Variants in SGCZ observed in about 807,000 individuals in gnomAD.
SGCZ encodes the protein zeta-sarcoglycan.
In SGCZ, 40 loss-of-function variants were observed where a neutral mutation model predicts 41.3. The ratio of observed to expected loss-of-function variants is 0.97; its 90% CI spans 0.75 to 1.26. The LOEUF (loss-of-function observed/expected upper bound fraction) is 1.26. Ranked by LOEUF, SGCZ falls within the 50% of genes most tolerant of loss-of-function variation. The pLI is 0.00. For synonymous variants in SGCZ, 206 were observed against 137.5 expected, an observed-to-expected ratio of 1.50 and a Z score of -3.49; for missense variants, 552 against 369.8, an observed-to-expected ratio of 1.49 and a Z score of -4.04.
chr8:14,678,773 AGCAACCAAGATGTTC>A (rs1201054980), intron 1 of SGCZ, among the ~76,000 whole-genome samples: 4 of 152,240 alleles, frequency 2.6e-5, no homozygotes, highest in African/African-American at 7.2e-5. Flanking sequence ...AAAACTTGGA[AGCAACCAAGATGTTC>A]TTCAGTAGGT....
intron 3 of SGCZ, among the ~76,000 whole-genome samples, chr8:14,306,507 T>C (rs1801356958): frequency 6.6e-6 from 1 of 152,214 alleles, no homozygotes; most frequent in African/African-American, 2.4e-5. Context: ...TAAACTCTGT[T>C]ACCTGGCATG....
chr8:14,956,039 C>CTTTTTTTTTTT (rs71884770), intron 1 of SGCZ, among the ~76,000 whole-genome samples: 2 of 120,226 alleles, frequency 1.7e-5, no homozygotes, highest in African/African-American at 3.2e-5. Flanking sequence ...ACTACTTTTA[C>CTTTTTTTTTTT]TTTTTTTTTT....
chr8:14,665,347 A>AT (rs1051792474), intron 1 of SGCZ, among the ~76,000 whole-genome samples: 2 of 152,066 alleles, frequency 1.3e-5, no homozygotes, highest in African/African-American at 4.8e-5. Flanking sequence ...TGAACTCATC[A>AT]TTTTTTATGG....
intron 4 of SGCZ, among the ~76,000 whole-genome samples, chr8:14,191,694 G>C (rs1805107964): frequency 6.6e-6 from 1 of 152,130 alleles, no homozygotes; most frequent in South Asian, 2.1e-4. Flanking sequence ...CACTAAAAGA[G>C]AATGGTAAAA....
At chr8:14,379,302 C>A (rs549736425) in intron 2 of SGCZ, among the ~76,000 whole-genome samples, 1 of 152,028 alleles carries the variant, frequency 6.6e-6, no homozygotes, top group East Asian at 1.9e-4. Flanking sequence ...AACTAACTTA[C>A]GTAAGTCAAT....
chr8:14,967,631 G>A (rs1488276157), intron 1 of SGCZ, among the ~76,000 whole-genome samples: 4 of 152,084 alleles, frequency 2.6e-5, no homozygotes, highest in Admixed American at 2.0e-4. Context: ...CTCTCAGAAA[G>A]TACTGGTCAT....
chr8:14,880,330 T>C (rs985775988), intron 1 of SGCZ, among the ~76,000 whole-genome samples: 2 of 152,030 alleles, frequency 1.3e-5, no homozygotes, highest in East Asian at 1.9e-4. Flanking sequence ...TGTGGAGAAA[T>C]AGGAACACTT....
At chr8:14,394,669 G>A (rs1056990787) in intron 2 of SGCZ, among the ~76,000 whole-genome samples, 1 of 151,954 alleles carries the variant, frequency 6.6e-6, no homozygotes, top group Non-Finnish European at 1.5e-5. Flanking sequence ...AAATGACAAA[G>A]GCCTAAACTA....
intron 4 of SGCZ, among the ~76,000 whole-genome samples, chr8:14,176,450 T>C (rs987584186): frequency 6.6e-6 from 1 of 152,220 alleles, no homozygotes; most frequent in Non-Finnish European, 1.5e-5. Context: ...TGTTTCAAAC[T>C]GAATAATTAC....
intron 4 of SGCZ, among the ~76,000 whole-genome samples, chr8:14,222,720 T>G (rs1806240797): frequency 6.6e-6 from 1 of 151,742 alleles, no homozygotes; most frequent in Non-Finnish European, 1.5e-5. Flanking sequence ...TAATGTTTGG[T>G]TCTAAACTAT....
chr8:14,787,939 G>A (rs1249174789), intron 1 of SGCZ, among the ~76,000 whole-genome samples: 1 of 152,086 alleles, frequency 6.6e-6, no homozygotes, highest in African/African-American at 2.4e-5. Flanking sequence ...GCCTGTTCAG[G>A]CAATCCCTAG....
intron 3 of SGCZ, among the ~76,000 whole-genome samples, chr8:14,251,643 T>C (rs1354895685): frequency 6.6e-6 from 1 of 152,236 alleles, no homozygotes; most frequent in Non-Finnish European, 1.5e-5. Flanking sequence ...ACAATTCTAG[T>C]ATTATATAAA....
chr8:14,867,980 A>G (rs1289927715), intron 1 of SGCZ, among the ~76,000 whole-genome samples: 1 of 151,924 alleles, frequency 6.6e-6, no homozygotes, highest in Non-Finnish European at 1.5e-5. Context: ...AACATTCTAT[A>G]TAACATGCAA....
chr8:15,091,885 T>C (rs1395409395), intron 1 of SGCZ, among the ~76,000 whole-genome samples: 1 of 152,080 alleles, frequency 6.6e-6, no homozygotes, highest in Admixed American at 6.6e-5. Context: ...CGAAAGTAGC[T>C]GGGACTACAA....
intron 3 of SGCZ, among the ~76,000 whole-genome samples, chr8:14,281,738 A>C (rs1427007): frequency 0.93 from 141,786 of 151,938 alleles, 66,863 homozygotes; most frequent in East Asian, 1. Flanking sequence ...TTGTGTCAAT[A>C]CAAAACACAT....
chr8:14,347,074 C>T (rs1407128897), intron 2 of SGCZ, among the ~76,000 whole-genome samples: 1 of 151,994 alleles, frequency 6.6e-6, no homozygotes, highest in African/African-American at 2.4e-5. Context: ...AATATTAGCC[C>T]TCGTTAGTTG....
intron 3 of SGCZ, among the ~76,000 whole-genome samples, chr8:14,291,032 T>C (rs1800822501): frequency 6.6e-6 from 1 of 152,106 alleles, no homozygotes. Flanking sequence ...TCCTGTTGTT[T>C]GCAGCAACAT....
intron 1 of SGCZ, among the ~76,000 whole-genome samples, chr8:14,982,599 C>A (rs942678752): frequency 6.6e-6 from 1 of 152,176 alleles, no homozygotes; most frequent in African/African-American, 2.4e-5. Context: ...AGGCACAGTA[C>A]TTCCTACCCT....
chr8:14,387,232 C>T (rs1016122295), intron 2 of SGCZ, among the ~76,000 whole-genome samples: 5 of 152,048 alleles, frequency 3.3e-5, no homozygotes, highest in Admixed American at 6.6e-5. Context: ...ATTTGTTTTT[C>T]GGAAATACAG....
Sources: gnomAD v4.1 joint callset for allele counts (sites outside exome capture counted in the v4.1 genomes callset) on GRCh38, gnomAD v4.1.1 for gene constraint, MANE v1.5 for transcripts, NCBI Gene and HGNC (gene_info 2026-07-23, HGNC 2026-07-21) for gene names.